The following ERC2 variants were observed in gnomAD, a reference collection of about 807,000 sequenced individuals.
The protein encoded by ERC2 is ERC protein 2.
In ERC2, 42 loss-of-function variants were observed where a neutral mutation model predicts 114.8. The observed-to-expected ratio is 0.37, with a 90% CI of 0.29 to 0.47. The LOEUF is 0.47. Ranked by LOEUF, ERC2 falls within the 20% of genes least tolerant of loss-of-function variation. The pLI, the probability that ERC2 is intolerant of heterozygous loss-of-function variation, is 0.99. For missense variants in ERC2, 939 were observed against 1,150.7 expected (o/e 0.82, Z 2.66); for synonymous variants, 454 against 425.5 (o/e 1.07, Z -0.82).
chr3:56,197,271 G>A (rs932905978), intron 3 of ERC2, among the ~76,000 whole-genome samples: 1 of 152,280 alleles, frequency 6.6e-6, no homozygotes, highest in South Asian at 2.1e-4. Context: ...AATGGGAATG[G>A]TGATAATGCT....
At chr3:56,188,531 A>C (rs2083775216) in intron 3 of ERC2, among the ~76,000 whole-genome samples, 2 of 152,204 alleles carry the variant, frequency 1.3e-5, no homozygotes, top group South Asian at 4.1e-4. Flanking sequence ...GCCACACTTC[A>C]GACCATGAGA....
At position 55,992,185 on chromosome 3, in the gene ERC2, A is replaced by G. The variant is rs1381837187; in HGVS notation, c.2127T>C (p.Asp709=). 6.2e-7 allele frequency: 1 copy of G among 1,613,902 alleles called. No homozygotes were observed. Among genetic ancestry groups the G allele is most frequent in the East Asian group, 2.2e-5 (1 of 44,870 alleles). Residue 709 remains aspartate, a synonymous_variant, in exon 11 of 18, where the codon GAT becomes GAC. Transcript: ENST00000288221. ...PEFADQIKQL[D]KEASYYRDEC... ...CGTCGCGGTAGTAAGACGCCTCTTTATCGAGCTGTTTTATTTGGTCTGCAA... is the reference window on the plus strand; with the variant it reads ...CGTCGCGGTAGTAAGACGCCTCTTTGTCGAGCTGTTTTATTTGGTCTGCAA...
intron 3 of ERC2, among the ~76,000 whole-genome samples, chr3:56,263,342 T>C (rs2053072615): frequency 6.8e-6 from 1 of 147,988 alleles, no homozygotes; most frequent in Non-Finnish European, 1.5e-5. Flanking sequence ...TTAAGTAGCC[T>C]CAACAATACA....
rs2051926109 is a variant in ERC2 at position 55,509,062 on chromosome 3, G to A, written c.*2254C>T. ...AGAGAATATTACACGAAATGGGAAA[G>A]GTTGTTATGTTAGAGAGAATTTAAT... On this transcript the variant is annotated 3_prime_UTR_variant, in exon 18 of 18. Transcript: ENST00000288221. 1 of 152,604 alleles carries A rather than the reference G, an allele frequency of 6.6e-6. No homozygotes were observed. Among genetic ancestry groups the A allele is most frequent in the Non-Finnish European group, 1.5e-5 (1 of 68,030 alleles). 9.5% of individuals were successfully genotyped at this position (152,604 alleles called of 1,614,324 possible).
intron 2 of ERC2, among the ~76,000 whole-genome samples, chr3:56,315,772 C>A (rs2056835052): frequency 6.6e-6 from 1 of 151,420 alleles, no homozygotes; most frequent in South Asian, 2.1e-4. Flanking sequence ...AAAAAAATAG[C>A]TTTCAAATTT....
intron 12 of ERC2, among the ~76,000 whole-genome samples, chr3:55,959,564 C>T (rs1346368351): frequency 1.3e-5 from 2 of 152,172 alleles, no homozygotes; most frequent in Non-Finnish European, 2.9e-5. Context: ...ATGTTGAACC[C>T]ACAGGCATCT....
chr3:56,015,779 C>A (rs2073264067), intron 8 of ERC2, among the ~76,000 whole-genome samples: 1 of 152,156 alleles, frequency 6.6e-6, no homozygotes, highest in African/African-American at 2.4e-5. Context: ...TGAGGAATTG[C>A]CACACTGTCT....
At chr3:56,170,607 T>TG (rs2082605634) in intron 4 of ERC2, among the ~76,000 whole-genome samples, 2 of 144,610 alleles carry the variant, frequency 1.4e-5, no homozygotes, top group Admixed American at 6.9e-5. Flanking sequence ...TTTTTTTTTT[T>TG]TTTTTTTGAG....
intron 14 of ERC2, among the ~76,000 whole-genome samples, chr3:55,770,084 CTT>C (rs2068085691): frequency 6.6e-6 from 1 of 152,184 alleles, no homozygotes; most frequent in Admixed American, 6.5e-5. Flanking sequence ...CAAGCAGACA[CTT>C]TAAGAGCCAT....
intron 12 of ERC2, among the ~76,000 whole-genome samples, chr3:55,974,100 C>A (rs145067671): frequency 6.6e-6 from 1 of 151,994 alleles, no homozygotes; most frequent in Non-Finnish European, 1.5e-5. Context: ...TCAGGCATAC[C>A]GACAAAGTAA....
intron 2 of ERC2, among the ~76,000 whole-genome samples, chr3:56,317,597 T>G (rs1031177534): frequency 1.3e-5 from 2 of 152,210 alleles, no homozygotes; most frequent in Admixed American, 6.5e-5. Flanking sequence ...AATTAAGACA[T>G]CACTTTTTTG....
intron 17 of ERC2, among the ~76,000 whole-genome samples, chr3:55,513,108 T>C (rs2052213041): frequency 1.3e-5 from 2 of 152,210 alleles, no homozygotes; most frequent in Admixed American, 6.5e-5. Context: ...TCCAGCTTCC[T>C]CTTACAGCAC....
intron 14 of ERC2, among the ~76,000 whole-genome samples, chr3:55,878,081 C>T (rs906297618): frequency 1.3e-5 from 2 of 152,260 alleles, no homozygotes; most frequent in Admixed American, 6.5e-5. Context: ...AGCCCCCATG[C>T]GGCTGCTGTG....
chr3:56,212,943 T>C (rs2150126904), intron 3 of ERC2, among the ~76,000 whole-genome samples: 1 of 152,232 alleles, frequency 6.6e-6, no homozygotes, highest in South Asian at 2.1e-4. Context: ...AAAACAAACA[T>C]TCTATGTTCT....
At chr3:55,906,431 C>CAAA (rs368262866) in intron 13 of ERC2, among the ~76,000 whole-genome samples, 11 of 67,896 alleles carry the variant, frequency 1.6e-4, no homozygotes, top group African/African-American at 3.4e-4. Context: ...GACTCTGTCT[C>CAAA]AAAAAAAAAA....
rs34612751 is a variant in ERC2 at position 55,998,390 on chromosome 3, A to G, written c.2062-6140T>C. Among the ~76,000 whole-genome samples the G allele has an allele frequency of 6.1e-3, 933 of 152,222 alleles. 3 individuals are homozygous for G. Among genetic ancestry groups the G allele is most frequent in the Non-Finnish European group, 0.011 (722 of 67,996 alleles). The stretch of plus-strand genomic sequence containing the variant: ...AATTAGCAATGTAGAGAACTGAGGT[A>G]ATTATCTGGATGTCCTCAAACAAAA... On this transcript the variant is annotated intron_variant, in intron 10 of 17. Transcript: ENST00000288221.
Position 56,355,527 on chromosome 3 carries a change from G to A in ERC2, c.658-59092C>T, listed in dbSNP as rs1048799482. Among the ~76,000 whole-genome samples the A allele has an allele frequency of 9.9e-5, 15 of 151,886 alleles. 1 individual carries two copies. Among genetic ancestry groups the A allele is most frequent in the Admixed American group, 9.8e-4 (15 of 15,250 alleles). On this transcript the variant is annotated intron_variant, in intron 2 of 17. Transcript: ENST00000288221. ...GGATCTTCCCATGTTGCCCACACTG[G>A]TCTTGAATTTCTGCACTCAAGCGAT... is the stretch of plus-strand genomic sequence containing the variant.
At chr3:56,162,183 A>G (rs1198611247) in intron 4 of ERC2, among the ~76,000 whole-genome samples, 1 of 152,162 alleles carries the variant, frequency 6.6e-6, no homozygotes, top group Non-Finnish European at 1.5e-5. Flanking sequence ...TGTTGAACAC[A>G]TTTATTGATT....
intron 3 of ERC2, among the ~76,000 whole-genome samples, chr3:56,218,497 C>T (rs1485817280): frequency 6.6e-6 from 1 of 152,174 alleles, no homozygotes; most frequent in Non-Finnish European, 1.5e-5. Flanking sequence ...ACAACAGGTG[C>T]TAAAGAGGAT....
Sources: allele counts gnomAD v4.1 joint callset (sites outside exome capture counted in the v4.1 genomes callset), GRCh38; gene constraint gnomAD v4.1.1; transcripts MANE v1.5; gene names NCBI Gene and HGNC (gene_info 2026-07-23, HGNC 2026-07-21).